Variants in RASEF observed in about 807,000 individuals in gnomAD.
RASEF encodes ras and EF-hand domain-containing protein.
In RASEF, 68 loss-of-function variants were observed where a neutral mutation model predicts 90.1. That is an observed-to-expected ratio of 0.75 (90% CI 0.62 to 0.92). RASEF has a LOEUF of 0.92. Among genes scored for constraint, RASEF ranks in the 40% least tolerant of loss-of-function variants. The pLI, the probability that RASEF is intolerant of heterozygous loss-of-function variation, is 0.00. For missense variants in RASEF, 949 were observed against 937.2 expected (o/e 1.01, Z -0.16); for synonymous variants, 331 against 345.2 (o/e 0.96, Z 0.46).
chr9:83,180,220 G>T, the RASEF span, among the ~76,000 whole-genome samples: 1 of 151,988 alleles, frequency 6.6e-6, no homozygotes, highest in African/African-American at 2.4e-5. Context: ...TTTTTAAAAG[G>T]TCACATAACC....
chr9:83,123,819 G>A, the RASEF span, among the ~76,000 whole-genome samples: 1 of 152,212 alleles, frequency 6.6e-6, no homozygotes, highest in Non-Finnish European at 1.5e-5. Context: ...ATGTAACATA[G>A]AATTTATCAT....
intron 4 of RASEF, among the ~76,000 whole-genome samples, chr9:83,012,740 G>A (rs1414690390): frequency 1.3e-5 from 2 of 152,120 alleles, no homozygotes; most frequent in Non-Finnish European, 2.9e-5. Flanking sequence ...GAACTTTTTT[G>A]GAAACAGCTG....
chr9:83,201,851 T>C, the RASEF span: 1 of 152,366 alleles, frequency 6.6e-6, no homozygotes, highest in Non-Finnish European at 1.5e-5. Context: ...TATACAATAA[T>C]ATCTCCCTTC....
chr9:83,204,211 C>T, the RASEF span, among the ~76,000 whole-genome samples: 3 of 151,984 alleles, frequency 2.0e-5, no homozygotes, highest in Non-Finnish European at 4.4e-5. Context: ...GTGTTCTGGC[C>T]TGGGCAGTTG....
At chr9:83,198,683 C>T in the RASEF span, among the ~76,000 whole-genome samples, 2 of 152,140 alleles carry the variant, frequency 1.3e-5, no homozygotes, top group African/African-American at 4.8e-5. Context: ...GCCTGAAAAA[C>T]AGAACTTGTT....
the RASEF span, among the ~76,000 whole-genome samples, chr9:83,158,265 TG>T: frequency 5.3e-5 from 8 of 152,090 alleles, no homozygotes; most frequent in Non-Finnish European, 7.4e-5. Flanking sequence ...CTCCTAAAAT[TG>T]AAACATCTGG....
chr9:83,063,149 C>G (rs1830248880), upstream of RASEF: 1 of 412,618 alleles, frequency 2.4e-6, no homozygotes, highest in African/African-American at 2.1e-5. Context: ...GACTGAGCGC[C>G]CAAGCGCCGA....
At chr9:82,989,365 G>A (rs1292308762) in intron 16 of RASEF, among the ~76,000 whole-genome samples, 1 of 151,958 alleles carries the variant, frequency 6.6e-6, no homozygotes, top group Non-Finnish European at 1.5e-5. Flanking sequence ...AATCACTCAG[G>A]AATTAATGTC....
the RASEF span, among the ~76,000 whole-genome samples, chr9:83,088,816 A>G: frequency 6.6e-6 from 1 of 151,982 alleles, no homozygotes; most frequent in African/African-American, 2.4e-5. Context: ...TTGTCTTTGA[A>G]TCACAAGTGA....
At chr9:83,112,990 A>G in the RASEF span, among the ~76,000 whole-genome samples, 4 of 152,216 alleles carry the variant, frequency 2.6e-5, no homozygotes, top group Non-Finnish European at 5.9e-5. Context: ...AGTTTAAAAA[A>G]CACTGTATTT....
At chr9:83,102,539 GA>G in the RASEF span, among the ~76,000 whole-genome samples, 1 of 152,150 alleles carries the variant, frequency 6.6e-6, no homozygotes, top group Admixed American at 6.5e-5. Context: ...TGCAGGTGTG[GA>G]AAAGAGAGTT....
chr9:83,107,458 T>C, the RASEF span, among the ~76,000 whole-genome samples: 1 of 152,298 alleles, frequency 6.6e-6, no homozygotes, highest in East Asian at 1.9e-4. Flanking sequence ...TATGCAGTCA[T>C]CACCTCCTCT....
chr9:83,189,073 G>A, the RASEF span, among the ~76,000 whole-genome samples: 1 of 152,198 alleles, frequency 6.6e-6, no homozygotes, highest in East Asian at 1.9e-4. Context: ...ATACGGGTTG[G>A]CTGCGTCCCC....
At chr9:83,190,246 C>A in the RASEF span, among the ~76,000 whole-genome samples, 2 of 152,152 alleles carry the variant, frequency 1.3e-5, no homozygotes, top group African/African-American at 2.4e-5. Context: ...CACGAAGCAT[C>A]TAAACTATAT....
intron 2 of RASEF, 57 bp downstream of exon 2, chr9:83,025,718 G>GGT: frequency 1.3e-6 from 2 of 1,561,852 alleles, no homozygotes; most frequent in African/African-American, 2.7e-5. Context: ...TTGCCACCCA[G>GGT]GTCAGAGAGC....
In RASEF at chr9:82,981,530, G is replaced by T. The variant is rs369184377; in HGVS notation, c.*1147C>A. The T allele has an allele frequency of 6.6e-6, 1 of 152,188 alleles. No homozygotes were observed. Among genetic ancestry groups the T allele is most frequent in the Non-Finnish European group, 1.5e-5 (1 of 68,030 alleles). The allele number at this position is 152,188 out of a possible 1,614,324, so 9.4% of individuals were successfully genotyped here. A position where few individuals can be genotyped will look rare whatever the true frequency, so the allele number is the denominator to read the frequency against. On this transcript the variant is annotated 3_prime_UTR_variant, in exon 17 of 17. Transcript: ENST00000376447. Reference sequence around the variant, plus strand: ...GGTTATGCTTCTAAACCATGGGAAGGTTTGAAATCAGCAGGGATACGAAAA... The same window carrying T: ...GGTTATGCTTCTAAACCATGGGAAGTTTTGAAATCAGCAGGGATACGAAAA...
At chr9:83,041,302 C>T (rs996389942) in intron 1 of RASEF, among the ~76,000 whole-genome samples, 26 of 152,144 alleles carry the variant, frequency 1.7e-4, no homozygotes, top group Non-Finnish European at 2.4e-4. Context: ...TGTTTAGTGT[C>T]CCAAAAGACA....
chr9:83,022,241 T>C, intron 3 of RASEF, 95 bp downstream of exon 3: 2 of 898,100 alleles, frequency 2.2e-6, no homozygotes, highest in Admixed American at 3.6e-5. Flanking sequence ...GGACTTGCTG[T>C]ACCCCTGCAT....
At chr9:83,044,846 T>C (rs1413227027) in intron 1 of RASEF, among the ~76,000 whole-genome samples, 4 of 152,298 alleles carry the variant, frequency 2.6e-5, no homozygotes, top group Non-Finnish European at 5.9e-5. Flanking sequence ...TCAGTAGACT[T>C]CGAGTAAAGC....
Sources: gnomAD v4.1 joint callset for allele counts (sites outside exome capture counted in the v4.1 genomes callset) on GRCh38, gnomAD v4.1.1 for gene constraint, MANE v1.5 for transcripts, NCBI Gene and HGNC (gene_info 2026-07-23, HGNC 2026-07-21) for gene names.